GRIK4: variants seen among roughly 807,000 people sequenced by gnomAD.
GRIK4 encodes glutamate ionotropic receptor kainate type subunit 4.
A neutral mutation model predicts 104.9 loss-of-function variants in GRIK4; 40 were observed. The observed-to-expected ratio is 0.38, with a 90% CI of 0.30 to 0.50. The LOEUF (loss-of-function observed/expected upper bound fraction) is 0.50, where lower values mean the gene tolerates loss of function less well. Ranked by LOEUF, GRIK4 falls within the 20% of genes least tolerant of loss-of-function variation. GRIK4 has a pLI of 0.93. For missense variants in GRIK4, 1,047 were observed against 1,308.1 expected, an observed-to-expected ratio of 0.80 and a Z score of 3.08; for synonymous variants, 485 against 524.9, an observed-to-expected ratio of 0.92 and a Z score of 1.04.
intron 9 of GRIK4, among the ~76,000 whole-genome samples, chr11:120,865,834 G>A (rs1339380645): frequency 6.6e-6 from 1 of 152,098 alleles, no homozygotes. Context: ...AGGTTTATTT[G>A]GTTCCTGGTT....
At chr11:120,562,053 G>C (rs1388150425) in intron 1 of GRIK4, among the ~76,000 whole-genome samples, 10 of 152,182 alleles carry the variant, frequency 6.6e-5, no homozygotes, top group Non-Finnish European at 1.3e-4. Flanking sequence ...GTGCCAGATG[G>C]GCTGACACTG....
At chr11:120,773,627 T>G (rs918033259) in intron 3 of GRIK4, among the ~76,000 whole-genome samples, 1 of 152,158 alleles carries the variant, frequency 6.6e-6, no homozygotes, top group Admixed American at 6.5e-5. Flanking sequence ...CTTGGAACTG[T>G]GTTAGGCGAG....
intron 13 of GRIK4, among the ~76,000 whole-genome samples, chr11:120,929,183 A>G (rs918642750): frequency 6.6e-6 from 1 of 152,118 alleles, no homozygotes; most frequent in Non-Finnish European, 1.5e-5. Flanking sequence ...AGGACACCAA[A>G]TATTTTGCAG....
chr11:120,878,192 C>T (rs1056387661), intron 11 of GRIK4, among the ~76,000 whole-genome samples: 5 of 152,210 alleles, frequency 3.3e-5, no homozygotes, highest in Admixed American at 1.3e-4. Context: ...CACACATAAG[C>T]GGGCAGGACA....
In GRIK4 at chr11:120,988,495, A is replaced by G. The variant is rs1944794191; in HGVS notation, c.*2235A>G. The G allele has an allele frequency of 6.6e-6, 1 of 152,196 alleles. No homozygotes were observed. Among genetic ancestry groups the G allele is most frequent in the African/African-American group, 2.4e-5 (1 of 41,440 alleles). The allele number at this position is 152,196 out of a possible 1,614,324, so 9.4% of individuals were successfully genotyped here. A position where few individuals can be genotyped will look rare whatever the true frequency, so the allele number is the denominator to read the frequency against. On this transcript the variant is annotated 3_prime_UTR_variant, in exon 21 of 21. Transcript: ENST00000527524. ...AAACTTTTTTTAATGGATTAGTGAA[A>G]TAAATGTCCCCATGCATCATTTATA...
chr11:120,777,936 CAAA>C (rs200698302), intron 3 of GRIK4, among the ~76,000 whole-genome samples: 1 of 112,290 alleles, frequency 8.9e-6, no homozygotes, highest in African/African-American at 3.5e-5. Flanking sequence ...GACTCCATCT[CAAA>C]AAAAAAAAAG....
At chr11:120,539,700 C>G (rs1338804137) in intron 1 of GRIK4, among the ~76,000 whole-genome samples, 1 of 152,224 alleles carries the variant, frequency 6.6e-6, no homozygotes, top group Non-Finnish European at 1.5e-5. Context: ...ATGTCAGCAT[C>G]TCCCAGCTGA....
At chr11:120,737,360 CTA>C (rs950562564) in intron 3 of GRIK4, among the ~76,000 whole-genome samples, 2 of 152,284 alleles carry the variant, frequency 1.3e-5, no homozygotes, top group African/African-American at 4.8e-5. Flanking sequence ...CCAATAGCTG[CTA>C]ATACTAAAAA....
intron 19 of GRIK4, among the ~76,000 whole-genome samples, chr11:120,968,485 T>G (rs1490496638): frequency 6.6e-6 from 1 of 152,240 alleles, no homozygotes; most frequent in Non-Finnish European, 1.5e-5. Context: ...TCTTTTCTGC[T>G]CAGCATGAAT....
intron 1 of GRIK4, among the ~76,000 whole-genome samples, chr11:120,619,645 CAGTG>C (rs1949160501): frequency 6.6e-6 from 1 of 152,088 alleles, no homozygotes; most frequent in Admixed American, 6.5e-5. Flanking sequence ...GTTCTTGTGA[CAGTG>C]AGTGAGTTCC....
At chr11:120,589,711 C>T (rs571647826) in intron 1 of GRIK4, among the ~76,000 whole-genome samples, 37 of 152,318 alleles carry the variant, frequency 2.4e-4, no homozygotes, top group African/African-American at 7.9e-4. Context: ...TCTCACCACC[C>T]GCTGCCTGCC....
intron 3 of GRIK4, among the ~76,000 whole-genome samples, chr11:120,702,741 T>C (rs770268298): frequency 3.9e-5 from 6 of 152,330 alleles, no homozygotes. Context: ...GGCTCACTGC[T>C]CTGGAGATTT....
At chr11:120,531,056 C>T (rs963962909) in intron 1 of GRIK4, among the ~76,000 whole-genome samples, 1 of 152,120 alleles carries the variant, frequency 6.6e-6, no homozygotes, top group African/African-American at 2.4e-5. Context: ...GGCTCAGGAG[C>T]GGAAGGATGG....
chr11:120,716,093 A>G (rs372286942), intron 3 of GRIK4, among the ~76,000 whole-genome samples: 12 of 152,082 alleles, frequency 7.9e-5, no homozygotes, highest in African/African-American at 2.7e-4. Flanking sequence ...CGGAGCCTCC[A>G]CTGTTCTGTA....
chr11:120,680,428 G>C (rs1950171814), intron 3 of GRIK4, among the ~76,000 whole-genome samples: 2 of 152,116 alleles, frequency 1.3e-5, no homozygotes, highest in African/African-American at 4.8e-5. Flanking sequence ...TGCCCTCTCT[G>C]GGGCTCCAGT....
At chr11:120,755,194 G>A (rs867059017) in intron 3 of GRIK4, among the ~76,000 whole-genome samples, 6 of 152,306 alleles carry the variant, frequency 3.9e-5, no homozygotes, top group African/African-American at 1.2e-4. Context: ...ACAGAGCTGA[G>A]TCCTGCCTTT....
At chr11:120,907,980 A>G (rs899964087) in intron 13 of GRIK4, among the ~76,000 whole-genome samples, 5 of 152,186 alleles carry the variant, frequency 3.3e-5, no homozygotes, top group African/African-American at 1.2e-4. Context: ...GGATTGTGGT[A>G]GCCCTCAGGC....
At chr11:120,620,193 A>G (rs1041609971) in intron 1 of GRIK4, 13 of 799,926 alleles carry the variant, frequency 1.6e-5, no homozygotes, top group Non-Finnish European at 2.5e-5. Context: ...ATTCATGACC[A>G]TCAGATGATA....
chr11:120,816,689 G>A (rs778971468), intron 5 of GRIK4, among the ~76,000 whole-genome samples: 6 of 152,098 alleles, frequency 3.9e-5, no homozygotes, highest in Non-Finnish European at 8.8e-5. Flanking sequence ...GACGCTTTGG[G>A]CAGAAGAATA....
Sources: allele counts gnomAD v4.1 joint callset (sites outside exome capture counted in the v4.1 genomes callset), GRCh38; gene constraint gnomAD v4.1.1; transcripts MANE v1.5; gene names NCBI Gene and HGNC (gene_info 2026-07-23, HGNC 2026-07-21).